The following KMO variants were observed in gnomAD, a reference collection of about 807,000 sequenced individuals.
KMO encodes the protein kynurenine 3-monooxygenase, also known as kynurenine 3-hydroxylase.
KMO carries 24 observed loss-of-function variants against 57.8 expected under a neutral mutation model. That is an observed-to-expected ratio of 0.42 (90% CI 0.30 to 0.58). KMO has a LOEUF of 0.58. KMO is among the 20% of genes least tolerant of loss of function. KMO has a pLI of 0.22. For missense variants in KMO, 483 were observed against 588.2 expected, an observed-to-expected ratio of 0.82 and a Z score of 1.85; for synonymous variants, 210 against 193.6, an observed-to-expected ratio of 1.08 and a Z score of -0.70.
Position 241,592,846 on chromosome 1 carries a change from G to A in KMO, c.*693G>A, listed in dbSNP as rs1663370078. The A allele has an allele frequency of 1.3e-5, 2 of 153,676 alleles. No individual in the cohort carries two copies. Among genetic ancestry groups the A allele is most frequent in the Non-Finnish European group, 2.9e-5 (2 of 69,390 alleles). 9.5% of individuals were successfully genotyped at this position (153,676 alleles called of 1,614,324 possible). Reference sequence around the variant, plus strand: ...GATCAGGTCTCACTCTGTTGACCAGGCTGGAGTGCAGTGGTGAGATCTGGG... The same window carrying A: ...GATCAGGTCTCACTCTGTTGACCAGACTGGAGTGCAGTGGTGAGATCTGGG... On this transcript the variant is annotated 3_prime_UTR_variant, in exon 15 of 15. Coordinates refer to ENST00000366559, the MANE Select transcript of KMO (RefSeq NM_003679.5).
At chr1:241,553,018 T>C (rs999314003) in intron 4 of KMO, among the ~76,000 whole-genome samples, 23 of 152,224 alleles carry the variant, frequency 1.5e-4, no homozygotes, top group African/African-American at 5.5e-4. Context: ...TTGAAGGTAT[T>C]GAGAATAGAT....
chr1:241,565,519 A>G (rs1454595230), intron 8 of KMO, among the ~76,000 whole-genome samples: 2 of 148,054 alleles, frequency 1.4e-5, no homozygotes, highest in Admixed American at 6.8e-5. Context: ...TCAGGAGTTC[A>G]AGACTGATGT....
chr1:241,568,764 C>A, intron 10 of KMO, 117 bp downstream of exon 10: 3 of 963,356 alleles, frequency 3.1e-6, no homozygotes, highest in Non-Finnish European at 4.6e-6. Flanking sequence ...AAAGCACAAT[C>A]AATTCAGCAA....
intron 10 of KMO, among the ~76,000 whole-genome samples, chr1:241,570,423 G>T (rs1016052703): frequency 6.6e-6 from 1 of 151,964 alleles, no homozygotes; most frequent in African/African-American, 2.4e-5. Flanking sequence ...TCTTAGATTT[G>T]TCTTTAATCC....
chr1:241,532,413 C>T lies in KMO; in HGVS notation c.-32C>T. On this transcript the variant is annotated 5_prime_UTR_variant, in exon 1 of 15. Coordinates refer to ENST00000366559, the MANE Select transcript of KMO (RefSeq NM_003679.5). ...AATCAGTGTCACTCAGTGACAGAAG[C>T]AACAATAATTGTGAAAAATACTTCA... 6.2e-7 allele frequency: 1 copy of T among 1,611,374 alleles called. No homozygotes were observed.
chr1:241,534,449 C>G (rs952017829), intron 1 of KMO, among the ~76,000 whole-genome samples: 3 of 152,164 alleles, frequency 2.0e-5, no homozygotes, highest in African/African-American at 7.2e-5. Context: ...AAATAGGAGA[C>G]AAAAATTACT....
intron 7 of KMO, among the ~76,000 whole-genome samples, chr1:241,562,906 GGAA>G (rs1558421379): frequency 0.059 from 3,583 of 60,490 alleles, 80 homozygotes; most frequent in Middle Eastern, 0.13. Context: ...AAGGAAGGAA[GGAA>G]GGAAGGAAAG....
At chr1:241,586,962 T>C (rs1352362236) in intron 11 of KMO, among the ~76,000 whole-genome samples, 1 of 152,182 alleles carries the variant, frequency 6.6e-6, no homozygotes, top group South Asian at 2.1e-4. Flanking sequence ...TGGAGGTCCA[T>C]GAAGTGATTC....
chr1:241,571,958 C>G (rs1224593694), intron 10 of KMO, among the ~76,000 whole-genome samples: 2 of 150,164 alleles, frequency 1.3e-5, no homozygotes, highest in Non-Finnish European at 1.5e-5. Flanking sequence ...CCTCCACCTC[C>G]CGGGTTTAAG....
At position 241,566,581 on chromosome 1, in the gene KMO, T is replaced by C. The variant is rs764554054; in HGVS notation, c.778T>C (p.Tyr260His). The change falls in exon 9 of 15, where the codon TAC becomes CAC. Residue 260 changes from tyrosine (Y) to histidine (H), a missense_variant. Physicochemically the swap from Tyr to His is moderately conservative, Grantham distance 83. This residue lies in a region of KMO where 410 missense variants were observed against 492.3 expected (regional missense o/e 0.83). Transcript: ENST00000366559. The stretch of plus-strand genomic sequence containing the variant: ...TGATGTGGTAGATTTCTTCCAGAAA[T>C]ACTTTCCGGATGCCATCCCTCTAAT... ...SNDVVDFFQKYFPDAIPLIGE... is the reference protein window; with the variant it reads ...SNDVVDFFQKHFPDAIPLIGE... 6.2e-7 allele frequency: 1 copy of C among 1,613,804 alleles called. No individual in the cohort carries two copies. Among genetic ancestry groups the C allele is most frequent in the Admixed American group, 1.7e-5 (1 of 60,008 alleles).
At chr1:241,538,855 TTTG>T (rs1219041355) in intron 1 of KMO, among the ~76,000 whole-genome samples, 5 of 152,194 alleles carry the variant, frequency 3.3e-5, no homozygotes, top group African/African-American at 1.2e-4. Flanking sequence ...AGCTCCAGAC[TTTG>T]TTAAGTGCCT....
Position 241,566,598 on chromosome 1 carries a change from C to G in KMO, c.795C>G (p.Ile265Met). Residue 265 changes from isoleucine (I) to methionine (M), a missense_variant, in exon 9 of 15, where the codon ATC becomes ATG. This residue lies in a region of KMO where 410 missense variants were observed against 492.3 expected (regional missense o/e 0.83). Transcript: ENST00000366559. ...DFFQKYFPDAIPLIGEKLLVQ... is the reference protein window; with the variant it reads ...DFFQKYFPDAMPLIGEKLLVQ... ...TCCAGAAATACTTTCCGGATGCCATCCCTCTAATTGGAGAGTAAGTTGCAA... is the reference window on the plus strand; with the variant it reads ...TCCAGAAATACTTTCCGGATGCCATGCCTCTAATTGGAGAGTAAGTTGCAA... 1.2e-6 allele frequency: 2 copies of G among 1,613,740 alleles called. No individual in the cohort carries two copies. Among genetic ancestry groups the G allele is most frequent in the Non-Finnish European group, 1.7e-6 (2 of 1,179,732 alleles).
intron 3 of KMO, 117 bp downstream of exon 3, chr1:241,549,891 A>G (rs527624096): frequency 1.4e-6 from 1 of 694,400 alleles, no homozygotes; most frequent in East Asian, 2.8e-5. Flanking sequence ...CTGCATGAAA[A>G]CTCATTCTAC....
chr1:241,549,255 A>AAGTC (rs1661291468), intron 2 of KMO, among the ~76,000 whole-genome samples: 1 of 146,090 alleles, frequency 6.8e-6, no homozygotes, highest in Non-Finnish European at 1.5e-5. Context: ...GAAAGAAAGA[A>AAGTC]AGAAAGAAAG....
chr1:241,549,498 C>T (rs1251577100), intron 2 of KMO, among the ~76,000 whole-genome samples, 179 bp from the exon 3 acceptor site: 1 of 151,718 alleles, frequency 6.6e-6, no homozygotes, highest in African/African-American at 2.4e-5. Context: ...TAAAAAAAAA[C>T]ACCAACTATC....
At chr1:241,569,106 T>A (rs1420463425) in intron 10 of KMO, among the ~76,000 whole-genome samples, 1 of 152,170 alleles carries the variant, frequency 6.6e-6, no homozygotes, top group Non-Finnish European at 1.5e-5. Flanking sequence ...ACAATGTATA[T>A]GACCATATCA....
chr1:241,541,890 T>C (rs1261784257), intron 1 of KMO, among the ~76,000 whole-genome samples: 1 of 151,950 alleles, frequency 6.6e-6, no homozygotes, highest in Non-Finnish European at 1.5e-5. Flanking sequence ...TTTTTAAAAG[T>C]TAGATAGACA....
intron 7 of KMO, among the ~76,000 whole-genome samples, chr1:241,564,228 G>A (rs957104579): frequency 2.6e-5 from 4 of 152,118 alleles, no homozygotes; most frequent in Admixed American, 1.3e-4. Context: ...CAAAACATCT[G>A]TAGAAAATAA....
intron 7 of KMO, among the ~76,000 whole-genome samples, chr1:241,562,890 GGAAGGAAGGAAGGAAGGAAGGAAGGAAA>G (rs1179251400): frequency 0.012 from 1,010 of 85,270 alleles, 11 homozygotes; most frequent in South Asian, 0.049. Flanking sequence ...AAGGAAGGAA[GGAAGGAAGGAAGGAAGGAAGGAAGGAAA>G]GAAGGAAGGA....
Sources: gnomAD v4.1 joint callset for allele counts (sites outside exome capture counted in the v4.1 genomes callset) on GRCh38, gnomAD v4.1.1 for gene constraint, gnomAD v4.1.1 regional missense constraint, MANE v1.5 for transcripts, NCBI Gene and HGNC (gene_info 2026-07-23, HGNC 2026-07-21) for gene names.